NUP160: variants seen among roughly 807,000 people sequenced by gnomAD.
NUP160 encodes nucleoporin 160, also known as nuclear pore complex protein Nup160.
Under a neutral mutation model 196.9 loss-of-function variants are expected in NUP160, and 94 were observed. The ratio of observed to expected loss-of-function variants is 0.48; its 90% confidence interval spans 0.40 to 0.57. The LOEUF (loss-of-function observed/expected upper bound fraction) is 0.57. Ranked by LOEUF, NUP160 falls within the 20% of genes least tolerant of loss-of-function variation. The pLI is 0.00. For missense variants in NUP160, 1,638 were observed against 1,748.3 expected, an observed-to-expected ratio of 0.94 and a Z score of 1.13; for synonymous variants, 605 against 619.7, an observed-to-expected ratio of 0.98 and a Z score of 0.35.
chr11:47,821,351 T>TC (rs1446432066), intron 9 of NUP160: 1 of 141,570 alleles, frequency 7.1e-6, no homozygotes, highest in Non-Finnish European at 1.5e-5. Flanking sequence ...AGCTCCCTTG[T>TC]CTTTTTTTTT....
At position 47,808,250 on chromosome 11, in the gene NUP160, C is replaced by T. The variant is rs373710643; in HGVS notation, c.2375+146G>A. On this transcript the variant is annotated intron_variant, in intron 18 of 35. Coordinates refer to ENST00000378460, the Ensembl canonical transcript of NUP160. The stretch of plus-strand genomic sequence containing the variant: ...GAGCCGAGATCATGCCATTGCACTC[C>T]GGCCTGGGTGAGAGAGAGCGAGACT... 9.4e-4 allele frequency: 627 copies of T among 664,026 alleles called. 4 individuals carry two copies. The South Asian group carries it at 0.013, about 13-fold the overall frequency. 41.1% of individuals were successfully genotyped at this position (664,026 alleles called of 1,614,324 possible).
chr11:47,830,237 AG>A (rs1456252990), intron 7 of NUP160, among the ~76,000 whole-genome samples: 1 of 152,218 alleles, frequency 6.6e-6, no homozygotes, highest in Non-Finnish European at 1.5e-5. Flanking sequence ...TGCAGAGAAA[AG>A]GGAACATTTA....
chr11:47,847,555 G>A (rs191957108), intron 2 of NUP160, among the ~76,000 whole-genome samples: 88 of 148,954 alleles, frequency 5.9e-4, no homozygotes, highest in African/African-American at 2.0e-3. Context: ...AAAACATAAC[G>A]GGTTCATGTT....
In NUP160 at chr11:47,837,426, A is replaced by G. The variant is rs190816796; in HGVS notation, c.827+119T>C. On this transcript the variant is annotated intron_variant, in intron 5 of 35. Coordinates refer to ENST00000378460, the Ensembl canonical transcript of NUP160. ...TCAGATGGAATTTAATGTTATTCTG[A>G]CTGTTCTCCTTTCCAGTATAATGTT... The G allele has an allele frequency of 6.7e-4, 513 of 767,070 alleles. 1 individual carries two copies. The African/African-American group carries it at 7.9e-3, about 12-fold the overall frequency. 47.5% of individuals were successfully genotyped at this position (767,070 alleles called of 1,614,324 possible).
chr11:47,796,238 G>A (rs878990180), intron 27 of NUP160: 20 of 526,890 alleles, frequency 3.8e-5, no homozygotes, highest in South Asian at 1.6e-4. Context: ...AGAGAAATAC[G>A]AGATTACAGA....
rs774186599 is a variant in NUP160 at position 47,786,443 on chromosome 11, AG to A, written c.3848+9del. On this transcript the variant is annotated intron_variant, in intron 32 of 35. Coordinates refer to ENST00000378460, the Ensembl canonical transcript of NUP160. ...GCAAAACTACCCAGGGTTGAACACC[AG>A]GGTTGTACCTAGACTCCTTAGTAGT... 1 of 1,572,684 alleles carries A rather than the reference AG, an allele frequency of 6.4e-7. No individual in the cohort carries two copies. The highest frequency in any genetic ancestry group is 8.8e-7 in the Non-Finnish European group (1 of 1,142,760).
intron 7 of NUP160, 34 bp downstream of exon 7, chr11:47,835,617 G>C: frequency 6.6e-7 from 1 of 1,515,644 alleles, no homozygotes; most frequent in Non-Finnish European, 8.9e-7. Context: ...AGTACACACA[G>C]AATAACTTGG....
At chr11:47,808,262 G>C (rs1486715007) in intron 18 of NUP160, 134 bp downstream of exon 18, 4 of 753,378 alleles carry the variant, frequency 5.3e-6, no homozygotes, top group Non-Finnish European at 8.4e-6. Flanking sequence ...GCCTGGGTGA[G>C]AGAGAGCGAG....
intron 6 of NUP160, among the ~76,000 whole-genome samples, 182 bp downstream of exon 6, chr11:47,836,705 C>T (rs1258319789): frequency 2.6e-5 from 4 of 152,134 alleles, no homozygotes; most frequent in Non-Finnish European, 5.9e-5. Context: ...AATAAAAAGA[C>T]AGTAAGTTAG....
intron 7 of NUP160, among the ~76,000 whole-genome samples, chr11:47,829,740 C>T (rs1852038178): frequency 6.6e-6 from 1 of 152,154 alleles, no homozygotes; most frequent in African/African-American, 2.4e-5. Context: ...AAGACTTAAA[C>T]ATAACACGCA....
chr11:47,800,236 G>A (rs1257149429), intron 23 of NUP160, among the ~76,000 whole-genome samples: 4 of 137,056 alleles, frequency 2.9e-5, no homozygotes, highest in Admixed American at 1.5e-4. Flanking sequence ...AACAGACTCC[G>A]TCTCAAAAAA....
chr11:47,779,477 C>CA, intron 35 of NUP160: 1 of 489,242 alleles, frequency 2.0e-6, no homozygotes, highest in Non-Finnish European at 3.9e-6. Flanking sequence ...ACTCTTTTCT[C>CA]AGAACCAGAA....
At chr11:47,787,355 T>A (rs2097665160) in intron 31 of NUP160, among the ~76,000 whole-genome samples, 1 of 151,902 alleles carries the variant, frequency 6.6e-6, no homozygotes. Flanking sequence ...CCCAACGTGA[T>A]GGCATTACAG....
At chr11:47,803,696 CCTT>C (rs1346077640) in intron 21 of NUP160, among the ~76,000 whole-genome samples, 160 bp from the exon 22 acceptor site, 1 of 152,182 alleles carries the variant, frequency 6.6e-6, no homozygotes, top group Non-Finnish European at 1.5e-5. Flanking sequence ...CTGTTGCCTT[CCTT>C]CTTCATCCAT....
intron 28 of NUP160, 155 bp from the exon 29 acceptor site, chr11:47,792,145 G>C (rs1263902880): frequency 1.8e-6 from 1 of 565,644 alleles, no homozygotes; most frequent in Non-Finnish European, 3.1e-6. Context: ...CTGTAACTAT[G>C]AGACAAAGAA....
chr11:47,848,310 C>G (rs1335624788), exon 1 of NUP160: 2 of 1,613,928 alleles, frequency 1.2e-6, no homozygotes, highest in Non-Finnish European at 1.7e-6. Flanking sequence ...GGGCTCCCGC[C>G]GCCGCCATCT....
At chr11:47,789,375 A>T (rs1202298124) in intron 29 of NUP160, among the ~76,000 whole-genome samples, 1 of 151,972 alleles carries the variant, frequency 6.6e-6, no homozygotes, top group Non-Finnish European at 1.5e-5. Flanking sequence ...ATATGACCAA[A>T]CTGTGAGAGG....
intron 2 of NUP160, chr11:47,841,742 C>T: frequency 9.0e-6 from 2 of 221,496 alleles, no homozygotes; most frequent in South Asian, 1.3e-4. Context: ...GGCTGGGGTG[C>T]AGTGGTGCAA....
chr11:47,845,413 T>A (rs1198796621), intron 2 of NUP160, among the ~76,000 whole-genome samples: 1 of 152,218 alleles, frequency 6.6e-6, no homozygotes, highest in Admixed American at 6.5e-5. Flanking sequence ...GTACTGGGAT[T>A]ACAGGTGTGA....
Sources: gnomAD v4.1 joint callset for allele counts (sites outside exome capture counted in the v4.1 genomes callset) on GRCh38, gnomAD v4.1.1 for gene constraint, MANE v1.5 for transcripts, NCBI Gene and HGNC (gene_info 2026-07-23, HGNC 2026-07-21) for gene names.